UNC80: variants seen among roughly 807,000 people sequenced by gnomAD.
UNC80 encodes protein unc-80 homolog.
UNC80 carries 164 observed loss-of-function variants against 384.6 expected under a neutral mutation model. That is an observed-to-expected ratio of 0.43 (90% CI 0.38 to 0.49). UNC80 has a LOEUF of 0.49. Among genes scored for constraint, UNC80 ranks in the 20% least tolerant of loss-of-function variants. UNC80 has a pLI of 0.00. For missense variants in UNC80, 3,330 were observed against 4,143.0 expected (o/e 0.80, Z 5.39); for synonymous variants, 1,486 against 1,527.8 (o/e 0.97, Z 0.64).
intron 7 of UNC80, among the ~76,000 whole-genome samples, chr2:209,797,208 A>C (rs1271478651): frequency 2.0e-5 from 3 of 152,118 alleles, no homozygotes; most frequent in Non-Finnish European, 4.4e-5. Context: ...CTTCTAAAGA[A>C]ACAAACAAAC....
chr2:209,993,415 C>T lies in UNC80; in HGVS notation c.9497C>T (p.Thr3166Met), dbSNP rs529047309. 58 of 1,551,496 alleles carry T rather than the reference C, an allele frequency of 3.7e-5. No homozygotes were observed. Among genetic ancestry groups the T allele is most frequent in the South Asian group, 3.6e-4 (30 of 84,040 alleles). Residue 3166 changes from threonine to methionine, a missense_variant, in exon 63 of 65, where the codon ACG (threonine) becomes ATG (methionine). Thr to Met is a moderately conservative substitution (Grantham distance 81). Transcript: ENST00000673920. Reference protein sequence around the residue: ...STTRRSIQPKTKPSADQKRSV... With the variant: ...STTRRSIQPKMKPSADQKRSV... Reference sequence around the variant, plus strand: ...ACTCGCAGGAGCATTCAACCTAAAACGAAGCCGTCTGGTGAGGCCTCCTGT... The same window carrying T: ...ACTCGCAGGAGCATTCAACCTAAAATGAAGCCGTCTGGTGAGGCCTCCTGT...
chr2:209,891,232 A>G (rs775216595), intron 26 of UNC80, among the ~76,000 whole-genome samples: 3 of 152,196 alleles, frequency 2.0e-5, no homozygotes, highest in Non-Finnish European at 4.4e-5. Flanking sequence ...TAAAATACAG[A>G]TAATCATATA....
At chr2:209,899,789 CTGTT>C (rs1424325954) in intron 28 of UNC80, among the ~76,000 whole-genome samples, 2 of 152,212 alleles carry the variant, frequency 1.3e-5, no homozygotes, top group Non-Finnish European at 2.9e-5. Context: ...AGTCTCTACT[CTGTT>C]TGTCAGCTGG....
At chr2:209,887,244 G>C (rs779265622) in intron 25 of UNC80, among the ~76,000 whole-genome samples, 1 of 151,810 alleles carries the variant, frequency 6.6e-6, no homozygotes, top group Non-Finnish European at 1.5e-5. Flanking sequence ...TCTCGATGTT[G>C]GTCAGGCTGG....
chr2:209,871,748 AT>A (rs1416442257), intron 22 of UNC80, among the ~76,000 whole-genome samples: 3 of 151,148 alleles, frequency 2.0e-5, no homozygotes, highest in Non-Finnish European at 4.4e-5. Flanking sequence ...TCTTTCAAAG[AT>A]TTCAGTAGAG....
chr2:209,906,734 T>G (rs2088268144), intron 29 of UNC80, among the ~76,000 whole-genome samples: 1 of 152,164 alleles, frequency 6.6e-6, no homozygotes, highest in Non-Finnish European at 1.5e-5. Flanking sequence ...AGAAAAAAAG[T>G]AAATACGTTT....
chr2:209,881,142 G>A (rs2124896001), intron 25 of UNC80, 48 bp downstream of exon 25: 1 of 1,533,924 alleles, frequency 6.5e-7, no homozygotes, highest in Non-Finnish European at 8.8e-7. Context: ...GGAGAGGCCA[G>A]GCGTGTGTCT....
At chr2:209,973,977 C>A (rs984363697) in intron 56 of UNC80, among the ~76,000 whole-genome samples, 1 of 152,286 alleles carries the variant, frequency 6.6e-6, no homozygotes, top group Admixed American at 6.5e-5. Context: ...TGCCTTTAAC[C>A]TGGTCGTGAC....
intron 22 of UNC80, among the ~76,000 whole-genome samples, chr2:209,871,835 T>C (rs2084323856): frequency 6.6e-6 from 1 of 151,084 alleles, no homozygotes; most frequent in African/African-American, 2.4e-5. Flanking sequence ...TTCAAGCACA[T>C]TTTGACATGA....
At chr2:209,798,574 T>C (rs1190160318) in intron 7 of UNC80, among the ~76,000 whole-genome samples, 4 of 152,204 alleles carry the variant, frequency 2.6e-5, no homozygotes, top group Admixed American at 6.5e-5. Flanking sequence ...CCTTGTAGTA[T>C]AGTTTGAAGT....
At chr2:209,791,624 T>C (rs2077804971) in intron 6 of UNC80, among the ~76,000 whole-genome samples, 1 of 151,822 alleles carries the variant, frequency 6.6e-6, no homozygotes, top group African/African-American at 2.4e-5. Flanking sequence ...ATCAAGACCA[T>C]CCTGGCTAAC....
chr2:209,776,246 T>C lies in UNC80; in HGVS notation c.298+201T>C, dbSNP rs545793782. On this transcript the variant is annotated intron_variant, in intron 3 of 64. Coordinates refer to ENST00000673920, the MANE Select transcript of UNC80 (RefSeq NM_001371986.1). The stretch of plus-strand genomic sequence containing the variant: ...AAGAAACTGGCTGTCTTGTTTTTAA[T>C]TTTTTAATTTTACAAGTAATATATG... Among the ~76,000 whole-genome samples, 18 of 152,346 alleles carry C rather than the reference T, an allele frequency of 1.2e-4. No individual in the cohort carries two copies. The South Asian group carries it at 3.7e-3, about 32-fold the overall frequency.
At position 209,915,297 on chromosome 2, in the gene UNC80, C is replaced by G. The variant is rs552506327; in HGVS notation, c.5029+1357C>G. On this transcript the variant is annotated intron_variant, in intron 31 of 64. Coordinates refer to ENST00000673920, the MANE Select transcript of UNC80 (RefSeq NM_001371986.1). ...GCAGGCACCTGTAGTCCCAGCTACT[C>G]GGGAGGCTGAGGCAGGAGAGTGGCA... Among the ~76,000 whole-genome samples the G allele has an allele frequency of 2.7e-5, 4 of 149,370 alleles. No homozygotes were observed. In the East Asian group the frequency reaches 8.2e-4, roughly 30 times the overall value.
At chr2:209,903,320 ATGTGTGTGTGTGTGTG>A in intron 28 of UNC80, among the ~76,000 whole-genome samples, 1 of 105,788 alleles carries the variant, frequency 9.5e-6, no homozygotes, top group Admixed American at 1.4e-4. Flanking sequence ...ATTATATTAT[ATGTGTGTGTGTGTGTG>A]TGTGTGTGTG....
intron 43 of UNC80, among the ~76,000 whole-genome samples, chr2:209,940,363 T>G (rs150433895): frequency 6.6e-6 from 1 of 152,300 alleles, no homozygotes; most frequent in Non-Finnish European, 1.5e-5. Flanking sequence ...TTCAATGAAC[T>G]CTAAAGATCT....
chr2:209,929,878 T>C lies in UNC80; in HGVS notation c.5814T>C (p.Ala1938=). 6.5e-7 allele frequency: 1 copy of C among 1,527,824 alleles called. No homozygotes were observed. The highest frequency in any genetic ancestry group is 8.8e-7 in the Non-Finnish European group (1 of 1,137,978). 94.6% of individuals were successfully genotyped at this position (1,527,824 alleles called of 1,614,324 possible). A position where few individuals can be genotyped will look rare whatever the true frequency, so the allele number is the denominator to read the frequency against. ...TTTCTTTCTCTTCTGAAGTGAGTGC[T>C]GTGGCTCAACAAGTCTTATGGAACT... ...EVREDGVAVS[A]VAQQVLWNCL... The change falls in exon 37 of 65, where the codon GCT becomes GCC. Residue 1938 remains alanine, a synonymous_variant. Coordinates refer to ENST00000673920, the MANE Select transcript of UNC80 (RefSeq NM_001371986.1).
intron 31 of UNC80, among the ~76,000 whole-genome samples, chr2:209,917,491 T>TAA (rs2089648714): frequency 6.6e-6 from 1 of 152,230 alleles, no homozygotes; most frequent in Admixed American, 6.5e-5. Flanking sequence ...TGTACTTTTT[T>TAA]AATTTCATTT....
At chr2:209,843,738 A>G (rs1395065497) in intron 21 of UNC80, among the ~76,000 whole-genome samples, 4 of 152,180 alleles carry the variant, frequency 2.6e-5, no homozygotes, top group Non-Finnish European at 4.4e-5. Flanking sequence ...AAATGCAAAG[A>G]TGTAACTCTA....
chr2:209,788,975 A>G (rs1279499220), intron 5 of UNC80, among the ~76,000 whole-genome samples: 5 of 152,112 alleles, frequency 3.3e-5, no homozygotes, highest in East Asian at 3.9e-4. Context: ...GATATTTTCT[A>G]TGTTTAGATA....
Sources: gnomAD v4.1 joint callset for allele counts (sites outside exome capture counted in the v4.1 genomes callset) on GRCh38, gnomAD v4.1.1 for gene constraint, MANE v1.5 for transcripts, NCBI Gene and HGNC (gene_info 2026-07-23, HGNC 2026-07-21) for gene names.